TNNI3K: variants seen among roughly 807,000 people sequenced by gnomAD.
TNNI3K encodes serine/threonine-protein kinase TNNI3K.
In TNNI3K, 140 loss-of-function variants were observed where a neutral mutation model predicts 114.5. The ratio of observed to expected loss-of-function variants is 1.22; its 90% CI spans 1.07 to 1.41. TNNI3K has a LOEUF of 1.41. TNNI3K is among the 40% of genes most tolerant of loss of function. The pLI, the probability that TNNI3K is intolerant of heterozygous loss-of-function variation, is 0.00. For synonymous variants in TNNI3K, 347 were observed against 347.5 expected (o/e 1.00, Z 0.02); for missense variants, 1,125 against 1,007.6 (o/e 1.12, Z -1.58).
intron 19 of TNNI3K, among the ~76,000 whole-genome samples, chr1:74,438,193 G>A (rs186147082): frequency 6.6e-6 from 1 of 151,830 alleles, no homozygotes; most frequent in East Asian, 2.0e-4. Context: ...TGACCCCTCT[G>A]TGCAAAAACG....
intron 22 of TNNI3K, among the ~76,000 whole-genome samples, chr1:74,491,466 T>C (rs1669072950): frequency 6.6e-6 from 1 of 152,084 alleles, no homozygotes; most frequent in Non-Finnish European, 1.5e-5. Flanking sequence ...GGTGTCGATC[T>C]CTTGACCTCA....
intron 19 of TNNI3K, among the ~76,000 whole-genome samples, chr1:74,437,835 AATT>A (rs2100665876): frequency 6.6e-6 from 1 of 151,912 alleles, no homozygotes; most frequent in South Asian, 2.1e-4. Context: ...GATCCCCAGA[AATT>A]ATGATTTTAT....
At chr1:74,400,706 T>C (rs1190168864) in intron 17 of TNNI3K, among the ~76,000 whole-genome samples, 1 of 152,236 alleles carries the variant, frequency 6.6e-6, no homozygotes, top group Non-Finnish European at 1.5e-5. Context: ...CAGAGTTCAA[T>C]AAGCTCATGA....
At chr1:74,329,397 A>G (rs1198374236) in intron 5 of TNNI3K, among the ~76,000 whole-genome samples, 1 of 152,098 alleles carries the variant, frequency 6.6e-6, no homozygotes, top group African/African-American at 2.4e-5. Context: ...TCTCCTGATC[A>G]TTAGTCAGCA....
intron 21 of TNNI3K, among the ~76,000 whole-genome samples, chr1:74,477,683 T>C (rs1430317961): frequency 6.6e-6 from 1 of 152,184 alleles, no homozygotes; most frequent in African/African-American, 2.4e-5. Context: ...CTGCTCTTGA[T>C]ACTAGGTATA....
chr1:74,294,558 G>C (rs916894697), intron 5 of TNNI3K, among the ~76,000 whole-genome samples: 1 of 151,972 alleles, frequency 6.6e-6, no homozygotes, highest in Non-Finnish European at 1.5e-5. Context: ...ATCAAAAAAA[G>C]TGTGGCTTAT....
chr1:74,243,344 TG>T (rs1654364764), intron 2 of TNNI3K, among the ~76,000 whole-genome samples: 1 of 152,162 alleles, frequency 6.6e-6, no homozygotes, highest in Non-Finnish European at 1.5e-5. Flanking sequence ...TTGGAGGGCA[TG>T]GGGCAGGGAA....
chr1:74,495,098 T>C (rs1281744590), intron 23 of TNNI3K, among the ~76,000 whole-genome samples: 2 of 152,214 alleles, frequency 1.3e-5, no homozygotes, highest in South Asian at 2.1e-4. Flanking sequence ...TTTGATATTC[T>C]CATAAAGTGT....
At chr1:74,351,286 A>G (rs1383801451) in intron 9 of TNNI3K, among the ~76,000 whole-genome samples, 1 of 150,890 alleles carries the variant, frequency 6.6e-6, no homozygotes, top group African/African-American at 2.4e-5. Flanking sequence ...AGAATGTTGA[A>G]TATTGGCCCC....
chr1:74,408,298 C>T (rs1664714485), intron 17 of TNNI3K, among the ~76,000 whole-genome samples: 1 of 152,186 alleles, frequency 6.6e-6, no homozygotes, highest in African/African-American at 2.4e-5. Flanking sequence ...ATCACTGAAA[C>T]TCATTTACAT....
At chr1:74,317,439 G>A (rs184754243) in intron 5 of TNNI3K, among the ~76,000 whole-genome samples, 1 of 152,278 alleles carries the variant, frequency 6.6e-6, no homozygotes, top group Admixed American at 6.5e-5. Flanking sequence ...TTCCACTTTA[G>A]AAATAAGAAG....
chr1:74,391,200 G>A (rs1663752770), intron 17 of TNNI3K, among the ~76,000 whole-genome samples: 1 of 152,116 alleles, frequency 6.6e-6, no homozygotes, highest in Admixed American at 6.6e-5. Flanking sequence ...AGATACTGCA[G>A]TTGCCAAAAC....
chr1:74,448,388 A>T (rs1666809018), intron 20 of TNNI3K, among the ~76,000 whole-genome samples: 2 of 147,870 alleles, frequency 1.4e-5, no homozygotes, highest in South Asian at 4.2e-4. Flanking sequence ...TTTTCTAGAT[A>T]TACAATCATG....
chr1:74,254,964 A>T (rs971624520), intron 4 of TNNI3K, among the ~76,000 whole-genome samples: 1 of 152,102 alleles, frequency 6.6e-6, no homozygotes, highest in Non-Finnish European at 1.5e-5. Flanking sequence ...GCAAGAATCG[A>T]TATTATTATC....
rs779669223 is a variant in TNNI3K, at chr1:74,249,473, T to G, written c.164T>G (p.Phe55Cys). The G allele has an allele frequency of 3.7e-6, 6 of 1,613,434 alleles. No homozygotes were observed. The East Asian group carries it at 1.1e-4, about 30-fold the overall frequency. Residue 55 changes from phenylalanine (F) to cysteine (C), a missense_variant, in exon 3 of 25, where the codon TTC (phenylalanine) becomes TGC (cysteine). Phe to Cys is a radical substitution (Grantham distance 205). Transcript: ENST00000326637. ...GTTTTTTTCAGCTCTGATGAAGCCT[T>G]CAGTAAAGTCAATTTAAATTACCGC... is the stretch of plus-strand genomic sequence containing the variant. ...LRNIFGSDEA[F>C]SKVNLNYRTE...
chr1:74,507,182 T>C (rs976870372), intron 23 of TNNI3K, among the ~76,000 whole-genome samples: 2 of 151,804 alleles, frequency 1.3e-5, no homozygotes, highest in Admixed American at 6.6e-5. Context: ...CCAGGAAAAT[T>C]TGCAAATATC....
chr1:74,362,333 G>A (rs1662011353), intron 11 of TNNI3K, among the ~76,000 whole-genome samples: 1 of 152,108 alleles, frequency 6.6e-6, no homozygotes, highest in Admixed American at 6.6e-5. Context: ...TTCCTTTGAT[G>A]ACCTGAGCAT....
chr1:74,353,840 T>C, intron 10 of TNNI3K, 140 bp from the exon 11 acceptor site: 1 of 1,242,114 alleles, frequency 8.1e-7, no homozygotes, highest in South Asian at 1.7e-5. Flanking sequence ...AATAATAAAA[T>C]TAGTTCTTTA....
At chr1:74,349,139 T>A (rs528112627) in intron 9 of TNNI3K, among the ~76,000 whole-genome samples, 1 of 152,230 alleles carries the variant, frequency 6.6e-6, no homozygotes, top group Non-Finnish European at 1.5e-5. Flanking sequence ...GGGTTTGTCA[T>A]GCATAGCTCT....
Sources: gnomAD v4.1 joint callset for allele counts (sites outside exome capture counted in the v4.1 genomes callset) on GRCh38, gnomAD v4.1.1 for gene constraint, MANE v1.5 for transcripts, NCBI Gene and HGNC (gene_info 2026-07-23, HGNC 2026-07-21) for gene names.